ITGA4: variants seen among roughly 807,000 people sequenced by gnomAD.
ITGA4 encodes integrin alpha-4.
Under a neutral mutation model 133.6 loss-of-function variants are expected in ITGA4, and 63 were observed. The observed-to-expected ratio is 0.47, with a 90% CI of 0.38 to 0.58. The LOEUF (loss-of-function observed/expected upper bound fraction) is 0.58, where lower values mean the gene tolerates loss of function less well. ITGA4 is among the 20% of genes least tolerant of loss of function. The pLI is 0.00. For missense variants in ITGA4, 1,076 were observed against 1,252.7 expected (o/e 0.86, Z 2.13); for synonymous variants, 483 against 438.0 (o/e 1.10, Z -1.28).
Position 181,537,646 on chromosome 2 carries a change from G to A in ITGA4, c.*2119G>A, listed in dbSNP as rs1277046079. 2.3e-6 allele frequency: 1 copy of A among 434,718 alleles called. No homozygotes were observed. The highest frequency in any genetic ancestry group is 4.5e-6 in the Non-Finnish European group (1 of 220,510). The allele number at this position is 434,718 out of a possible 1,614,324, so 26.9% of individuals were successfully genotyped here. A position where few individuals can be genotyped will look rare whatever the true frequency, so the allele number is the denominator to read the frequency against. On this transcript the variant is annotated 3_prime_UTR_variant, in exon 28 of 28. Coordinates refer to ENST00000397033, the MANE Select transcript of ITGA4 (RefSeq NM_000885.6). The stretch of plus-strand genomic sequence containing the variant: ...TTGATGAGCTCAAATCCTGAAAAAT[G>A]AAAGAATCCAAATTATTTCAGAATT...
intron 4 of ITGA4, chr2:181,475,752 C>T: frequency 2.6e-6 from 4 of 1,538,736 alleles, no homozygotes; most frequent in Middle Eastern, 1.7e-4. Flanking sequence ...TACATGTTTT[C>T]CTTCAAGCAG....
chr2:181,482,636 C>T lies in ITGA4; in HGVS notation c.1026C>T (p.Tyr342=), dbSNP rs1177975093. 2 of 1,613,442 alleles carry T rather than the reference C, an allele frequency of 1.2e-6. No homozygotes were observed. The highest frequency in any genetic ancestry group is 1.3e-5 in the African/African-American group (1 of 74,878). The part of the protein sequence containing the change: ...TIREEGRVFV[Y]INSGSGAVMN... Reference sequence around the variant, plus strand: ...GAGAGGAAGGAAGAGTGTTTGTGTACATCAACTCTGGCTCGGTATGTCCAA... The same window carrying T: ...GAGAGGAAGGAAGAGTGTTTGTGTATATCAACTCTGGCTCGGTATGTCCAA... The change falls in exon 9 of 28, where the codon TAC becomes TAT. Residue 342 remains tyrosine (Y), a synonymous_variant. Transcript: ENST00000397033.
chr2:181,509,126 C>G (rs1246482645), intron 15 of ITGA4, among the ~76,000 whole-genome samples: 1 of 120,272 alleles, frequency 8.3e-6, no homozygotes, highest in African/African-American at 3.3e-5. Flanking sequence ...AGGGACACAT[C>G]CCATCTCTTA....
rs779348148 is a variant in ITGA4 at position 181,516,151 on chromosome 2, G to C, written c.1922+4376G>C. On this transcript the variant is annotated intron_variant, in intron 17 of 27. Coordinates refer to ENST00000397033, the MANE Select transcript of ITGA4 (RefSeq NM_000885.6). The surrounding 1 kb of genome is among the most constrained non-coding windows in gnomAD (Gnocchi z 4.0). ...AATAGAAGGTATTAGCCATCACATA[G>C]GGAGTTTAAAATCAAATCCTTGAAA... is the stretch of plus-strand genomic sequence containing the variant. 6.6e-6 allele frequency among the ~76,000 whole-genome samples: 1 copy of C among 151,966 alleles called. No individual in the cohort carries two copies. Among genetic ancestry groups the C allele is most frequent in the Non-Finnish European group, 1.5e-5 (1 of 67,972 alleles).
intron 27 of ITGA4, 27 bp from the exon 28 acceptor site, chr2:181,535,405 C>G (rs751059645): frequency 1.3e-6 from 2 of 1,540,176 alleles, no homozygotes; most frequent in African/African-American, 1.4e-5. Flanking sequence ...TAACTATACA[C>G]TAGTGATTAT....
intron 2 of ITGA4, among the ~76,000 whole-genome samples, chr2:181,468,690 A>G (rs373664981): frequency 2.0e-5 from 3 of 152,284 alleles, no homozygotes; most frequent in East Asian, 3.9e-4. Flanking sequence ...GTTCATTTGC[A>G]TTTATATACA....
chr2:181,466,931 A>G (rs1372410746), intron 2 of ITGA4, among the ~76,000 whole-genome samples: 6 of 152,108 alleles, frequency 3.9e-5, no homozygotes, highest in Non-Finnish European at 8.8e-5. Context: ...TCTTGCATAC[A>G]CAAGCATAAG....
chr2:181,481,834 G>T, intron 7 of ITGA4, 151 bp downstream of exon 7: 1 of 386,092 alleles, frequency 2.6e-6, no homozygotes, highest in Non-Finnish European at 4.7e-6. Flanking sequence ...GGTGAAAGAT[G>T]TTATGGTTTT....
chr2:181,481,178 ATT>A (rs1215360101), intron 6 of ITGA4, among the ~76,000 whole-genome samples: 2 of 152,188 alleles, frequency 1.3e-5, no homozygotes, highest in African/African-American at 4.8e-5. Context: ...AATACGAACA[ATT>A]TTTTGTCATC....
At chr2:181,532,641 T>C (rs1574415930) in intron 25 of ITGA4, among the ~76,000 whole-genome samples, 1 of 152,296 alleles carries the variant, frequency 6.6e-6, no homozygotes, top group Admixed American at 6.5e-5. Flanking sequence ...CTTAAGGAGT[T>C]TTGGGGCTGA....
intron 17 of ITGA4, 117 bp from the exon 18 acceptor site, chr2:181,522,074 A>G (rs1226486931): frequency 3.8e-6 from 2 of 524,100 alleles, no homozygotes; most frequent in African/African-American, 2.0e-5. Context: ...TTGTTTTTCC[A>G]AGAAAATTAG....
chr2:181,478,977 T>C, intron 5 of ITGA4, 153 bp downstream of exon 5: 1 of 418,378 alleles, frequency 2.4e-6, no homozygotes, highest in Non-Finnish European at 4.4e-6. Flanking sequence ...TTTTTGCCAC[T>C]CAAAATTCCA....
rs1352639373 is a variant in ITGA4, at chr2:181,481,665, A to C, written c.822A>C (p.Gln274His). 1.9e-6 allele frequency: 3 copies of C among 1,588,230 alleles called. No individual in the cohort carries two copies. The highest frequency in any genetic ancestry group is 1.3e-5 in the African/African-American group (1 of 74,620). ...CCGAAGTAGTCGGAGGAGCTCCTCA[A>C]CATGAGCAGATTGGTAAGGTAAGAA... ...HTTEVVGGAP[Q>H]HEQIGKAYIF... Residue 274 changes from glutamine to histidine, a missense_variant, in exon 7 of 28, where the codon CAA becomes CAC. By Grantham distance (24) the Gln-to-His change is conservative. Coordinates refer to ENST00000397033, the MANE Select transcript of ITGA4 (RefSeq NM_000885.6).
chr2:181,501,033 C>G (rs1160419441), intron 15 of ITGA4, among the ~76,000 whole-genome samples: 1 of 152,118 alleles, frequency 6.6e-6, no homozygotes, highest in African/African-American at 2.4e-5. Flanking sequence ...AAAGTGACAT[C>G]TGAGCAAAGA....
At chr2:181,505,121 T>C (rs1218145056) in intron 15 of ITGA4, among the ~76,000 whole-genome samples, 3 of 145,394 alleles carry the variant, frequency 2.1e-5, no homozygotes, top group Admixed American at 6.8e-5. Flanking sequence ...ACTTCTTCTG[T>C]ATTTAGACAT....
At chr2:181,469,982 T>C (rs1685507867) in intron 2 of ITGA4, among the ~76,000 whole-genome samples, 1 of 151,646 alleles carries the variant, frequency 6.6e-6, no homozygotes, top group Non-Finnish European at 1.5e-5. Context: ...AGTTAATGGG[T>C]ACAGGACACC....
At chr2:181,509,251 A>T (rs780307668) in intron 15 of ITGA4, among the ~76,000 whole-genome samples, 4 of 151,008 alleles carry the variant, frequency 2.6e-5, no homozygotes, top group African/African-American at 7.3e-5. Context: ...TTGTTGAGAG[A>T]TATAAAGAGA....
chr2:181,466,427 C>T (rs1267309986), intron 2 of ITGA4, among the ~76,000 whole-genome samples: 1 of 152,006 alleles, frequency 6.6e-6, no homozygotes, highest in Non-Finnish European at 1.5e-5. Context: ...GACATTTAAA[C>T]ACATTTTTTT....
Position 181,538,226 on chromosome 2 carries a change from G to A in ITGA4, c.*2699G>A, listed in dbSNP as rs1687293393. 1.9e-6 allele frequency: 3 copies of A among 1,586,412 alleles called. No homozygotes were observed. The highest frequency in any genetic ancestry group is 1.9e-4 in the Middle Eastern group (1 of 5,392). ...CTTCCATGCTTCCTCCATAAAGACT[G>A]ATAAGTCTTGGATGCAATCTGTAAA... is the stretch of plus-strand genomic sequence containing the variant. On this transcript the variant is annotated 3_prime_UTR_variant, in exon 28 of 28. Coordinates refer to ENST00000397033, the MANE Select transcript of ITGA4 (RefSeq NM_000885.6).
Sources: allele counts gnomAD v4.1 joint callset (sites outside exome capture counted in the v4.1 genomes callset), GRCh38; gene constraint gnomAD v4.1.1; non-coding constraint Gnocchi (gnomAD v3.1); transcripts MANE v1.5; gene names NCBI Gene and HGNC (gene_info 2026-07-23, HGNC 2026-07-21).